SYNE1: variants seen among roughly 807,000 people sequenced by gnomAD.
SYNE1 encodes the protein spectrin repeat containing nuclear envelope protein 1, also known as nesprin-1.
SYNE1 carries 616 observed loss-of-function variants against 1,111.0 expected under a neutral mutation model. That is an observed-to-expected ratio of 0.55 (90% CI 0.52 to 0.59). SYNE1 has a LOEUF of 0.59. Ranked by LOEUF, SYNE1 falls within the 20% of genes least tolerant of loss-of-function variation. SYNE1 has a pLI of 0.00. For synonymous variants in SYNE1, 3,855 were observed against 3,825.8 expected (o/e 1.01, Z -0.28); for missense variants, 10,006 against 10,417.0 (o/e 0.96, Z 1.72).
In SYNE1 at chr6:152,242,316, T is replaced by C; in HGVS notation, c.19817A>G (p.Gln6606Arg). ...QDLADLLETGQEKMAGDQKII... is the reference protein window; with the variant it reads ...QDLADLLETGREKMAGDQKII... ...TTTCTGGTCTCCTGCCATCTTCTCC[T>C]GACCAGTTTCTAGCAGGTCAGCCAG... The change falls in exon 107 of 146, where the codon CAG (glutamine) becomes CGG (arginine). Residue 6606 changes from glutamine (Q) to arginine (R), a missense_variant. Coordinates refer to ENST00000367255, the MANE Select transcript of SYNE1 (RefSeq NM_182961.4). 1 of 1,614,166 alleles carries C rather than the reference T, an allele frequency of 6.2e-7. No homozygotes were observed. Among genetic ancestry groups the C allele is most frequent in the Non-Finnish European group, 8.5e-7 (1 of 1,180,034 alleles).
chr6:152,333,280 T>A (rs1181183066), intron 77 of SYNE1, among the ~76,000 whole-genome samples: 1 of 152,126 alleles, frequency 6.6e-6, no homozygotes, highest in Non-Finnish European at 1.5e-5. Flanking sequence ...TTAACTGAAT[T>A]TCTAGACTCT....
intron 27 of SYNE1, 101 bp from the exon 28 acceptor site, chr6:152,449,742 G>C (rs1306673925): frequency 1.1e-6 from 1 of 925,474 alleles, no homozygotes; most frequent in Non-Finnish European, 1.7e-6. Context: ...TAACAATTAA[G>C]TGATTACCAA....
chr6:152,218,139 C>T, intron 121 of SYNE1, 118 bp downstream of exon 121: 1 of 1,218,332 alleles, frequency 8.2e-7, no homozygotes, highest in Non-Finnish European at 1.2e-6. Flanking sequence ...TTGCAGTGAG[C>T]CGAGATCACA....
intron 6 of SYNE1, among the ~76,000 whole-genome samples, chr6:152,518,893 A>G (rs1210298762): frequency 6.6e-6 from 1 of 151,870 alleles, no homozygotes; most frequent in Non-Finnish European, 1.5e-5. Flanking sequence ...AGAAGCACAG[A>G]TATATGTATA....
In SYNE1 at chr6:152,453,645, G is replaced by A; in HGVS notation, c.2968C>T (p.Pro990Ser). The A allele has an allele frequency of 3.1e-6, 5 of 1,614,158 alleles. No homozygotes were observed. Among genetic ancestry groups the A allele is most frequent in the Non-Finnish European group, 4.2e-6 (5 of 1,180,028 alleles). Residue 990 changes from proline (P) to serine (S), a missense_variant, in exon 25 of 146, where the codon CCA becomes TCA. Around this residue, in one of 7 missense-constraint regions of SYNE1, gnomAD observed 1,971 missense variants for 2,084.1 expected, o/e 0.95. Coordinates refer to ENST00000367255, the MANE Select transcript of SYNE1 (RefSeq NM_182961.4). ...KACDELTDIL[P>S]EQEQQGLQEA... ...TGCAGCCCCTGCTGCTCCTGCTCTG[G>A]AAGGATGTCGGTGAGTTCATCACAA...
chr6:152,221,307 A>T, intron 118 of SYNE1, 119 bp downstream of exon 118: 1 of 1,302,530 alleles, frequency 7.7e-7, no homozygotes, highest in Non-Finnish European at 1.1e-6. Flanking sequence ...GTTGTGAAAG[A>T]GAAGTTTAAA....
intron 121 of SYNE1, among the ~76,000 whole-genome samples, 154 bp from the exon 122 acceptor site, chr6:152,215,214 C>T (rs889439512): frequency 3.9e-5 from 6 of 152,178 alleles, no homozygotes; most frequent in African/African-American, 1.4e-4. Flanking sequence ...TCTCTAGGTA[C>T]GAATAGCGAA....
At chr6:152,517,616 A>G (rs755793248) in intron 6 of SYNE1, among the ~76,000 whole-genome samples, 1 of 152,248 alleles carries the variant, frequency 6.6e-6, no homozygotes, top group Admixed American at 6.5e-5. Flanking sequence ...TGAATAAACT[A>G]TGGCATATCT....
intron 32 of SYNE1, among the ~76,000 whole-genome samples, chr6:152,438,329 T>C (rs1241134483): frequency 6.6e-6 from 1 of 152,138 alleles, no homozygotes; most frequent in Non-Finnish European, 1.5e-5. Context: ...AGGAAAAACA[T>C]GGAAAAAGTA....
chr6:152,430,601 C>T lies in SYNE1; in HGVS notation c.4570G>A (p.Ala1524Thr), dbSNP rs1268969008. Reference sequence around the variant, plus strand: ...TATCTTCTTATTTGTGTCAACTTGGCTTTAATTCGAGCAGATTCTCCAGTG... The same window carrying T: ...TATCTTCTTATTTGTGTCAACTTGGTTTTAATTCGAGCAGATTCTCCAGTG... ...VTTGESARIK[A>T]KLTQIRRYGE... The change falls in exon 35 of 146, where the codon GCC becomes ACC. Residue 1524 changes from alanine to threonine, a missense_variant. Coordinates refer to ENST00000367255, the MANE Select transcript of SYNE1 (RefSeq NM_182961.4). 9.3e-6 allele frequency: 15 copies of T among 1,614,136 alleles called. No homozygotes were observed. The highest frequency in any genetic ancestry group is 1.3e-5 in the Non-Finnish European group (15 of 1,180,002).
chr6:152,495,008 T>C (rs1435952006), intron 11 of SYNE1, among the ~76,000 whole-genome samples: 1 of 152,162 alleles, frequency 6.6e-6, no homozygotes, highest in Non-Finnish European at 1.5e-5. Context: ...CCAAGGAAAA[T>C]TCCTCCTTCC....
At chr6:152,527,835 A>T (rs17082731) in intron 4 of SYNE1, among the ~76,000 whole-genome samples, 5,406 of 152,292 alleles carry the variant, frequency 0.035, 332 homozygotes, top group African/African-American at 0.12. Context: ...TTTCGATTTT[A>T]AAAATACACA....
chr6:152,611,593 C>G (rs2099631531), intron 3 of SYNE1, among the ~76,000 whole-genome samples: 2 of 152,260 alleles, frequency 1.3e-5, no homozygotes, highest in South Asian at 4.1e-4. Flanking sequence ...ATCAATGAGA[C>G]AGAAGGTTAA....
chr6:152,395,251 A>G (rs2097714413), intron 51 of SYNE1, among the ~76,000 whole-genome samples: 1 of 152,198 alleles, frequency 6.6e-6, no homozygotes. Context: ...GCAACAGGAG[A>G]TAAGTGACCT....
At chr6:152,184,631 T>TAGATAGATAG (rs1554508083) in intron 128 of SYNE1, among the ~76,000 whole-genome samples, 1 of 142,916 alleles carries the variant, frequency 7.0e-6, no homozygotes, top group Non-Finnish European at 1.6e-5. Flanking sequence ...TATACACATA[T>TAGATAGATAG]ATAGATAGAT....
At chr6:152,337,247 A>C (rs1161290236) in intron 75 of SYNE1, among the ~76,000 whole-genome samples, 1 of 152,142 alleles carries the variant, frequency 6.6e-6, no homozygotes, top group Non-Finnish European at 1.5e-5. Flanking sequence ...AAATGTCTAC[A>C]AGTTATGCTA....
At chr6:152,444,840 A>T (rs116149846) in intron 29 of SYNE1, among the ~76,000 whole-genome samples, 8 of 152,232 alleles carry the variant, frequency 5.3e-5, no homozygotes, top group African/African-American at 1.9e-4. Context: ...TGCAGTCACC[A>T]CCAGAACTTT....
chr6:152,148,874 A>G lies in SYNE1; in HGVS notation c.24643-496T>C, dbSNP rs2152886912. Among the ~76,000 whole-genome samples, 1 of 152,300 alleles carries G rather than the reference A, an allele frequency of 6.6e-6. No individual in the cohort carries two copies. Among genetic ancestry groups the G allele is most frequent in the Middle Eastern group, 3.4e-3 (1 of 294 alleles). ...CACACTGGCAAGGATCGGAAATAAG[A>G]GCAAATTACTAAGACCTTAGCTTGT... On this transcript the variant is annotated intron_variant, in intron 136 of 145. Coordinates refer to ENST00000367255, the MANE Select transcript of SYNE1 (RefSeq NM_182961.4). The surrounding 1 kb of genome is among the most constrained non-coding windows in gnomAD (Gnocchi z 4.1).
At chr6:152,342,591 G>A (rs2096555230) in intron 74 of SYNE1, among the ~76,000 whole-genome samples, 1 of 152,156 alleles carries the variant, frequency 6.6e-6, no homozygotes, top group Non-Finnish European at 1.5e-5. Context: ...TGTGGACTCA[G>A]TGATCAAATA....
Sources: gnomAD v4.1 joint callset for allele counts (sites outside exome capture counted in the v4.1 genomes callset) on GRCh38, gnomAD v4.1.1 for gene constraint, gnomAD v4.1.1 regional missense constraint, Gnocchi (gnomAD v3.1) non-coding constraint, MANE v1.5 for transcripts, NCBI Gene and HGNC (gene_info 2026-07-23, HGNC 2026-07-21) for gene names.